ZNF43: variants seen among roughly 807,000 people sequenced by gnomAD.
ZNF43 encodes the protein zinc finger protein 43.
In ZNF43, 44 loss-of-function variants were observed where a neutral mutation model predicts 68.4. That is an observed-to-expected ratio of 0.64 (90% CI 0.51 to 0.83). The LOEUF (loss-of-function observed/expected upper bound fraction) is 0.83. Ranked by LOEUF, ZNF43 falls within the 40% of genes least tolerant of loss-of-function variation. The probability of loss-of-function intolerance (pLI) is 0.00; values close to 1 mark genes in which losing one functional copy is unlikely to be tolerated. For synonymous variants in ZNF43, 308 were observed against 307.8 expected (o/e 1.00, Z -0.01); for missense variants, 896 against 933.2 (o/e 0.96, Z 0.52).
intron 1 of ZNF43, among the ~76,000 whole-genome samples, chr19:21,821,138 A>ATT (rs74174043): frequency 0.016 from 1,942 of 118,512 alleles, 57 homozygotes; most frequent in African/African-American, 0.055. Context: ...CCCGGCTGTA[A>ATT]TTTTTTTTTT....
Position 21,824,588 on chromosome 19 carries a change from C to A in ZNF43, c.4-5367G>T, listed in dbSNP as rs184379619. On this transcript the variant is annotated intron_variant, in intron 1 of 3. Coordinates refer to ENST00000354959, the MANE Select transcript of ZNF43 (RefSeq NM_003423.4). Reference sequence around the variant, plus strand: ...AAAACCTGGCCCTGTCTTGTGAATCCCAGGCAGAGGCCAAACTATATGTAC... The same window carrying A: ...AAAACCTGGCCCTGTCTTGTGAATCACAGGCAGAGGCCAAACTATATGTAC... Among the ~76,000 whole-genome samples, 5 of 152,060 alleles carry A rather than the reference C, an allele frequency of 3.3e-5. No homozygotes were observed. In the East Asian group the frequency reaches 9.7e-4, roughly 29 times the overall value.
intron 1 of ZNF43, among the ~76,000 whole-genome samples, chr19:21,831,394 C>T (rs532150080): frequency 2.0e-4 from 31 of 151,882 alleles, no homozygotes; most frequent in Non-Finnish European, 4.1e-4. Flanking sequence ...CGGTGTCTTG[C>T]TCTGTCACCC....
upstream of ZNF43, chr19:21,836,299 C>A (rs866723275): frequency 5.9e-5 from 73 of 1,236,902 alleles, no homozygotes; most frequent in Non-Finnish European, 6.8e-5. Context: ...CCCCGCAAAC[C>A]CTGAATGAAA....
chr19:21,828,889 C>T (rs1472017468), intron 1 of ZNF43, among the ~76,000 whole-genome samples: 2 of 151,528 alleles, frequency 1.3e-5, no homozygotes, highest in African/African-American at 2.4e-5. Flanking sequence ...AAAAAATAGC[C>T]GGGTGCCCTG....
chr19:21,818,954 G>A (rs960597453), intron 2 of ZNF43, 141 bp downstream of exon 2: 66 of 1,176,400 alleles, frequency 5.6e-5, no homozygotes, highest in African/African-American at 1.6e-5. Flanking sequence ...TCTTTAGTGC[G>A]CCAACAAATC....
chr19:21,809,497 G>T lies in ZNF43; in HGVS notation c.540C>A (p.Gly180=). 1 of 1,613,618 alleles carries T rather than the reference G, an allele frequency of 6.2e-7. No homozygotes were observed. Among genetic ancestry groups the T allele is most frequent in the Non-Finnish European group, 8.5e-7 (1 of 1,179,752 alleles). ...EKKLFKCKEC[G]KSFCMLPHLA... is the part of the protein sequence containing the mutation. ...GATGTGGAAGCATGCAAAATGATTT[G>T]CCACATTCTTTGCATTTGAAAAGTT... The change falls in exon 4 of 4, where the codon GGC becomes GGA. Residue 180 remains glycine (G), a synonymous_variant. Coordinates refer to ENST00000354959, the MANE Select transcript of ZNF43 (RefSeq NM_003423.4).
upstream of ZNF43, chr19:21,840,372 T>G (rs1222092677): frequency 6.6e-6 from 1 of 152,484 alleles, no homozygotes; most frequent in Non-Finnish European, 1.5e-5. Flanking sequence ...AATGTAGGAA[T>G]GAACAATCCC....
upstream of ZNF43, chr19:21,836,208 C>T (rs1198364754): frequency 6.7e-6 from 10 of 1,498,894 alleles, no homozygotes; most frequent in East Asian, 1.2e-4. Context: ...TCCCGGAAGC[C>T]GCCCTGTCCT....
intron 1 of ZNF43, among the ~76,000 whole-genome samples, chr19:21,844,921 A>AAAAAATATATATATAT (rs1310761266): frequency 3.8e-5 from 1 of 26,050 alleles, no homozygotes; most frequent in African/African-American, 2.2e-4. Flanking sequence ...AAAAAAAAAA[A>AAAAAATATATATATAT]ATATATATAT....
chr19:21,834,707 T>C (rs2038605870), intron 1 of ZNF43, among the ~76,000 whole-genome samples: 1 of 150,110 alleles, frequency 6.7e-6, no homozygotes, highest in Non-Finnish European at 1.5e-5. Flanking sequence ...GAGCTGAGAT[T>C]GCACCATTGC....
At chr19:21,828,882 A>C (rs970577859) in intron 1 of ZNF43, among the ~76,000 whole-genome samples, 33 of 151,614 alleles carry the variant, frequency 2.2e-4, no homozygotes, top group African/African-American at 7.3e-4. Flanking sequence ...AAATACAAAA[A>C]AATAGCCGGG....
At chr19:21,832,119 C>A (rs1240401542) in intron 1 of ZNF43, among the ~76,000 whole-genome samples, 1 of 152,166 alleles carries the variant, frequency 6.6e-6, no homozygotes, top group East Asian at 1.9e-4. Flanking sequence ...CAGTACATTA[C>A]CTGACTTCAA....
At position 21,811,764 on chromosome 19, in the gene ZNF43, AT is replaced by A. The variant is rs373229434; in HGVS notation, c.230-1958del. Among the ~76,000 whole-genome samples, 243 of 152,280 alleles carry A rather than the reference AT, an allele frequency of 1.6e-3. 2 individuals carry two copies. Among genetic ancestry groups the A allele is most frequent in the African/African-American group, 5.3e-3 (221 of 41,582 alleles). ...TGCCATGAGGAAGCAATAGAAAAAA[AT>A]CTCTTCAAAAAATGATGCTGAAACG... On this transcript the variant is annotated intron_variant, in intron 3 of 3. Coordinates refer to ENST00000354959, the MANE Select transcript of ZNF43 (RefSeq NM_003423.4).
At chr19:21,816,901 C>T (rs1417144437) in intron 3 of ZNF43, among the ~76,000 whole-genome samples, 1 of 152,106 alleles carries the variant, frequency 6.6e-6, no homozygotes, top group East Asian at 1.9e-4. Context: ...CAACTAAAGG[C>T]GGACCCTAGT....
chr19:21,827,960 C>T (rs1228101168), intron 1 of ZNF43, among the ~76,000 whole-genome samples: 1 of 152,160 alleles, frequency 6.6e-6, no homozygotes, highest in African/African-American at 2.4e-5. Context: ...CGTACCCAGC[C>T]TCTGAAGAGC....
In ZNF43 at chr19:21,809,282, T is replaced by C. The variant is rs202239252; in HGVS notation, c.755A>G (p.Tyr252Cys). Residue 252 changes from tyrosine to cysteine, a missense_variant, in exon 4 of 4, where the codon TAT becomes TGT. Transcript: ENST00000354959. ...SSRLTTHKKN[Y>C]TRYKLYKCEE... ...ACATTTGTAGAGTTTGTATCTAGTATAATTTTTTTTATGTGTAGTAAGGCG... is the reference window on the plus strand; with the variant it reads ...ACATTTGTAGAGTTTGTATCTAGTACAATTTTTTTTATGTGTAGTAAGGCG... The C allele has an allele frequency of 5.1e-5, 83 of 1,613,560 alleles. No individual in the cohort carries two copies. The highest frequency in any genetic ancestry group is 6.7e-5 in the Non-Finnish European group (79 of 1,179,876).
At chr19:21,829,032 CAAAAAAAAAAAA>C (rs551226809) in intron 1 of ZNF43, among the ~76,000 whole-genome samples, 23 of 38,808 alleles carry the variant, frequency 5.9e-4, no homozygotes, top group Non-Finnish European at 7.9e-4. Flanking sequence ...GACTCTGTCT[CAAAAAAAAAAAA>C]AAAAAAAAAA....
upstream of ZNF43, among the ~76,000 whole-genome samples, chr19:21,838,351 A>C (rs921214165): frequency 6.6e-6 from 1 of 152,116 alleles, no homozygotes; most frequent in African/African-American, 2.4e-5. Flanking sequence ...AAAAACTCAT[A>C]AACACAAATA....
chr19:21,815,509 T>TA (rs1568355560), intron 3 of ZNF43, among the ~76,000 whole-genome samples: 8 of 129,586 alleles, frequency 6.2e-5, no homozygotes, highest in African/African-American at 2.5e-4. Context: ...ATATATATAT[T>TA]TTGCAGAATA....
Sources: allele counts gnomAD v4.1 joint callset (sites outside exome capture counted in the v4.1 genomes callset), GRCh38; gene constraint gnomAD v4.1.1; transcripts MANE v1.5; gene names NCBI Gene and HGNC (gene_info 2026-07-23, HGNC 2026-07-21).